ATG2B: variants seen among roughly 807,000 people sequenced by gnomAD.
ATG2B encodes autophagy-related protein 2 homolog B.
ATG2B carries 121 observed loss-of-function variants against 241.3 expected under a neutral mutation model. The observed-to-expected ratio is 0.50, with a 90% CI of 0.43 to 0.58. ATG2B has a LOEUF of 0.58. Ranked by LOEUF, ATG2B falls within the 20% of genes least tolerant of loss-of-function variation. The pLI, the probability that ATG2B is intolerant of heterozygous loss-of-function variation, is 0.00. For missense variants in ATG2B, 2,306 were observed against 2,491.6 expected, an observed-to-expected ratio of 0.93 and a Z score of 1.59; for synonymous variants, 858 against 876.6, an observed-to-expected ratio of 0.98 and a Z score of 0.37.
In ATG2B at chr14:96,289,843, GAA is replaced by G. The variant is rs373233271; in HGVS notation, c.5857-40_5857-39del. On this transcript the variant is annotated intron_variant, in intron 40 of 41. Transcript: ENST00000359933. The surrounding 1 kb of genome is among the most constrained non-coding windows in gnomAD (Gnocchi z 4.3). The stretch of plus-strand genomic sequence containing the variant: ...GTCAAAAGGAAGAAATGAATTAGAA[GAA>G]AGTCTGAAGAGTTACGGACCAGCAG... The G allele has an allele frequency of 1.0e-4, 169 of 1,611,452 alleles. No individual in the cohort carries two copies. In the South Asian group the frequency reaches 1.8e-3, roughly 17 times the overall value.
chr14:96,304,675 A>C, intron 31 of ATG2B, 72 bp from the exon 32 acceptor site: 1 of 1,181,696 alleles, frequency 8.5e-7, no homozygotes, highest in South Asian at 1.3e-5. Context: ...GAATGACATT[A>C]AGGAAAATGA....
chr14:96,325,533 T>C, intron 15 of ATG2B, 116 bp downstream of exon 15: 1 of 941,554 alleles, frequency 1.1e-6, no homozygotes, highest in Non-Finnish European at 1.6e-6. Flanking sequence ...GATTTTAACA[T>C]AATGTTCTTT....
chr14:96,348,880 T>C (rs1888240896), intron 1 of ATG2B, among the ~76,000 whole-genome samples: 1 of 152,266 alleles, frequency 6.6e-6, no homozygotes, highest in African/African-American at 2.4e-5. Flanking sequence ...ACGTACCCCA[T>C]TAATATATAT....
In ATG2B at chr14:96,311,195, C is replaced by T. The variant is rs759109689; in HGVS notation, c.4083G>A (p.Gln1361=). Residue 1361 remains glutamine (Q), a synonymous_variant, in exon 28 of 42, where the codon CAG becomes CAA. Coordinates refer to ENST00000359933, the MANE Select transcript of ATG2B (RefSeq NM_018036.7). ...GCAAGTCACCATAGCTTGCAATGTA[C>T]TGAATGAGATTCATTAACGCAGCAC... ...DSCAALMNLI[Q]YIASYGDLQT... The T allele has an allele frequency of 6.2e-7, 1 of 1,613,938 alleles. No homozygotes were observed. Among genetic ancestry groups the T allele is most frequent in the South Asian group, 1.1e-5 (1 of 91,080 alleles).
chr14:96,348,697 G>C (rs1185576182), intron 1 of ATG2B, among the ~76,000 whole-genome samples: 1 of 151,492 alleles, frequency 6.6e-6, no homozygotes, highest in Non-Finnish European at 1.5e-5. Context: ...GTAAGATCTA[G>C]TAATTAATAG....
chr14:96,314,497 A>T lies in ATG2B; in HGVS notation c.3642+657T>A, dbSNP rs79150374. On this transcript the variant is annotated intron_variant, in intron 23 of 41. Transcript: ENST00000359933. ...TATTGCACTTAAAGAACTTCTGATT[A>T]TAAAAGCAATTCAACACACCATTCA... Among the ~76,000 whole-genome samples the T allele has an allele frequency of 1.4e-3, 218 of 152,332 alleles. 5 individuals carry two copies. The East Asian group carries it at 0.037, about 26-fold the overall frequency.
intron 29 of ATG2B, among the ~76,000 whole-genome samples, chr14:96,308,209 TAAATAC>T (rs1168467568): frequency 7.0e-5 from 8 of 114,940 alleles, no homozygotes; most frequent in Non-Finnish European, 1.2e-4. Flanking sequence ...CATATATATA[TAAATAC>T]ATAAATATAT....
chr14:96,316,402 ACAG>A lies in ATG2B; in HGVS notation c.3361+128_3361+130del, dbSNP rs1404703532. The A allele has an allele frequency of 1.0e-5, 9 of 878,714 alleles. No homozygotes were observed. The East Asian group carries it at 2.4e-4, about 24-fold the overall frequency. The allele number at this position is 878,714 out of a possible 1,614,324, so 54.4% of individuals were successfully genotyped here. On this transcript the variant is annotated intron_variant, in intron 21 of 41. Transcript: ENST00000359933. ...CTTCTAATTTGTAAATATTACTTTGACAGCAGAATGAGAGCCCTCCACAGAAAA... is the reference window on the plus strand; with the variant it reads ...CTTCTAATTTGTAAATATTACTTTGACAGAATGAGAGCCCTCCACAGAAAA...
rs1157132317 is a variant in ATG2B, at chr14:96,311,394, T to C, written c.3991-107A>G. On this transcript the variant is annotated intron_variant, in intron 27 of 41. Transcript: ENST00000359933. ...TAAGATTCATGATAATCTGTCTCGC[T>C]ACATAAAAAAAGTATTTAAATAAAT... 1.0e-5 allele frequency: 13 copies of C among 1,238,866 alleles called. No homozygotes were observed. The East Asian group carries it at 2.2e-4, about 21-fold the overall frequency. The allele number at this position is 1,238,866 out of a possible 1,614,324, so 76.7% of individuals were successfully genotyped here. A position where few individuals can be genotyped will look rare whatever the true frequency, so the allele number is the denominator to read the frequency against.
intron 41 of ATG2B, among the ~76,000 whole-genome samples, chr14:96,286,582 AAAT>A (rs1381916652): frequency 1.3e-5 from 2 of 152,194 alleles, no homozygotes; most frequent in Non-Finnish European, 2.9e-5. Flanking sequence ...CAACATAATA[AAAT>A]AATGATGATT....
intron 1 of ATG2B, among the ~76,000 whole-genome samples, chr14:96,361,487 C>G (rs1215409962): frequency 1.3e-5 from 2 of 152,108 alleles, no homozygotes; most frequent in African/African-American, 4.8e-5. Context: ...AATCCTGAAC[C>G]CTCTTTTTTC....
chr14:96,320,559 G>C (rs1443677710), intron 18 of ATG2B, among the ~76,000 whole-genome samples: 1 of 151,984 alleles, frequency 6.6e-6, no homozygotes, highest in Non-Finnish European at 1.5e-5. Context: ...AGACAACATA[G>C]AATTCCAATC....
chr14:96,289,760 A>G lies in ATG2B; in HGVS notation c.5902T>C (p.Ser1968Pro). 1 of 1,614,144 alleles carries G rather than the reference A, an allele frequency of 6.2e-7. No homozygotes were observed. Among genetic ancestry groups the G allele is most frequent in the South Asian group, 1.1e-5 (1 of 91,074 alleles). ...AYDMVSPGTLSIEPKKTKRFP... is the reference protein window; with the variant it reads ...AYDMVSPGTLPIEPKKTKRFP... ...CTTTTGGTCTTCTTGGGCTCGATAGAAAGGGTACCAGGAGACACCATATCA... is the reference window on the plus strand; with the variant it reads ...CTTTTGGTCTTCTTGGGCTCGATAGGAAGGGTACCAGGAGACACCATATCA... Residue 1968 changes from serine to proline, a missense_variant, in exon 41 of 42, where the codon TCT becomes CCT. This residue lies in a region of ATG2B where 379 missense variants were observed against 480.4 expected (regional missense o/e 0.79). Transcript: ENST00000359933. This position sits in a 1 kb window ranked among gnomAD's most constrained non-coding sequence, Gnocchi z 4.3.
intron 1 of ATG2B, among the ~76,000 whole-genome samples, chr14:96,361,361 G>A (rs1228898317): frequency 6.6e-6 from 1 of 152,086 alleles, no homozygotes; most frequent in Admixed American, 6.6e-5. Flanking sequence ...GATGTGTGAT[G>A]GGGCAAACTG....
chr14:96,315,247 A>T lies in ATG2B; in HGVS notation c.3562-13T>A. The T allele has an allele frequency of 1.9e-6, 3 of 1,611,514 alleles. No individual in the cohort carries two copies. The highest frequency in any genetic ancestry group is 2.2e-5 in the East Asian group (1 of 44,840). On this transcript the variant is annotated splice_polypyrimidine_tract_variant and intron_variant, in intron 22 of 41. Transcript: ENST00000359933. ...CAATGAGAAATTCCTATACAGAACA[A>T]GACAAAGAATGACATTTACCACCTA...
chr14:96,306,323 T>C (rs1333650327), intron 30 of ATG2B, among the ~76,000 whole-genome samples: 2 of 152,158 alleles, frequency 1.3e-5, no homozygotes, highest in East Asian at 1.9e-4. Context: ...CACACACTTA[T>C]ATCTATACAT....
chr14:96,306,704 A>T lies in ATG2B; in HGVS notation c.4506+10T>A. On this transcript the variant is annotated intron_variant, in intron 30 of 41. Coordinates refer to ENST00000359933, the MANE Select transcript of ATG2B (RefSeq NM_018036.7). ...CATTCAAGGCTTCAATAATGTTATT[A>T]ATTTATTACCTGCATGGCTGCTTTT... 6.2e-7 allele frequency: 1 copy of T among 1,608,892 alleles called. No homozygotes were observed. Among genetic ancestry groups the T allele is most frequent in the Non-Finnish European group, 8.5e-7 (1 of 1,176,436 alleles).
chr14:96,302,141 C>T (rs1886809592), intron 33 of ATG2B, 33 bp from the exon 34 acceptor site: 1 of 1,361,400 alleles, frequency 7.3e-7, no homozygotes, highest in Middle Eastern at 1.8e-4. Flanking sequence ...ACATTTTTCC[C>T]CAATAATATG....
Position 96,345,364 on chromosome 14 carries a change from T to C in ATG2B, c.347A>G (p.Tyr116Cys), listed in dbSNP as rs752263865. Residue 116 changes from tyrosine to cysteine, a missense_variant, in exon 3 of 42, where the codon TAT becomes TGT. Transcript: ENST00000359933. ...PRPATGSEPM[Y>C]WSSFMTSSMQ... ...ACTGCTGGTCATAAAACTTGACCAA[T>C]ACATAGGCTCAGAACCAGTTGCTGT... is the stretch of plus-strand genomic sequence containing the variant. 15 of 1,611,616 alleles carry C rather than the reference T, an allele frequency of 9.3e-6. No homozygotes were observed. Among genetic ancestry groups the C allele is most frequent in the East Asian group, 2.2e-5 (1 of 44,706 alleles).
Sources: gnomAD v4.1 joint callset for allele counts (sites outside exome capture counted in the v4.1 genomes callset) on GRCh38, gnomAD v4.1.1 for gene constraint, gnomAD v4.1.1 regional missense constraint, Gnocchi (gnomAD v3.1) non-coding constraint, MANE v1.5 for transcripts, NCBI Gene and HGNC (gene_info 2026-07-23, HGNC 2026-07-21) for gene names.